SHOX: variants seen among roughly 807,000 people sequenced by gnomAD.
The protein encoded by SHOX is short stature homeobox protein.
SHOX carries 12 observed loss-of-function variants against 29.6 expected under a neutral mutation model. That is an observed-to-expected ratio of 0.41 (90% CI 0.26 to 0.66). The LOEUF (loss-of-function observed/expected upper bound fraction) is 0.66, where lower values mean the gene tolerates loss of function less well. SHOX is among the 30% of genes least tolerant of loss of function. The pLI is 0.35. For synonymous variants in SHOX, 214 were observed against 200.6 expected, an observed-to-expected ratio of 1.07 and a Z score of -0.57; for missense variants, 499 against 437.7, an observed-to-expected ratio of 1.14 and a Z score of -1.25.
At chrX:625,679 T>C (rs866478249) in intron 1 of SHOX, among the ~76,000 whole-genome samples, 1 of 133,964 alleles carries the variant, frequency 7.5e-6, no homozygotes, top group Non-Finnish European at 1.5e-5. Context: ...CTCTCTCTCT[T>C]TTTTTCTCTC....
At chrX:634,054 C>A (rs1289399498) in intron 1 of SHOX, among the ~76,000 whole-genome samples, 1 of 152,232 alleles carries the variant, frequency 6.6e-6, no homozygotes, top group African/African-American at 2.4e-5. Context: ...CCCCCAGGCG[C>A]GGTGGCGCAT....
downstream of SHOX, among the ~76,000 whole-genome samples, chrX:652,968 G>A (rs1453585518): frequency 6.6e-6 from 1 of 152,114 alleles, no homozygotes; most frequent in African/African-American, 2.4e-5. Context: ...CGGGCGCAGT[G>A]TGGCTCTCAC....
At chrX:626,968 C>T (rs1299183990), upstream of SHOX, among the ~76,000 whole-genome samples, 1 of 151,538 alleles carries the variant, frequency 6.6e-6, no homozygotes, top group African/African-American at 2.4e-5. Context: ...GTCTGTATCT[C>T]TGTCTACCTC....
downstream of SHOX, among the ~76,000 whole-genome samples, chrX:655,227 C>A (rs1297657980): frequency 2.6e-5 from 4 of 152,044 alleles, no homozygotes; most frequent in East Asian, 7.9e-4. Context: ...CCTGCCTCAG[C>A]CTCCCGAGTA....
chrX:654,471 T>G (rs1242107239), downstream of SHOX, among the ~76,000 whole-genome samples: 1 of 152,082 alleles, frequency 6.6e-6, no homozygotes, highest in Non-Finnish European at 1.5e-5. Context: ...GAAAGTATTC[T>G]GAGAAGACAG....
chrX:631,180 T>A lies in SHOX; in HGVS notation c.277+6T>A. The stretch of plus-strand genomic sequence containing the variant: ...CACCGCGAGAGTGGCAGAAGGTAAG[T>A]TCCTTTGCGCTCCGGCTCCAGGGGG... On this transcript the variant is annotated splice_donor_region_variant and intron_variant, in intron 1 of 4. Coordinates refer to ENST00000686671, the MANE Select transcript of SHOX (RefSeq NM_000451.4). The A allele has an allele frequency of 6.2e-7, 1 of 1,612,262 alleles. No individual in the cohort carries two copies. The highest frequency in any genetic ancestry group is 8.5e-7 in the Non-Finnish European group (1 of 1,179,588).
chrX:651,652 A>C (rs771153975), downstream of SHOX, among the ~76,000 whole-genome samples: 2 of 151,472 alleles, frequency 1.3e-5, no homozygotes, highest in South Asian at 4.2e-4. Context: ...AAAAAAAAAA[A>C]AAAAAAAAAA....
At position 647,251 on chromosome X, in the gene SHOX, G is replaced by A. The variant is rs887591953; in HGVS notation, c.*2615G>A. On this transcript the variant is annotated 3_prime_UTR_variant, in exon 5 of 5. Coordinates refer to ENST00000686671, the MANE Select transcript of SHOX (RefSeq NM_000451.4). The stretch of plus-strand genomic sequence containing the variant: ...GCCACCAGGCCTGGGTAACTTTCTG[G>A]TATTTTTAGTAGAGACAGGGTTTCA... Among the ~76,000 whole-genome samples, 1 of 146,528 alleles carries A rather than the reference G, an allele frequency of 6.8e-6. No individual in the cohort carries two copies. The highest frequency in any genetic ancestry group is 2.5e-5 in the African/African-American group (1 of 39,466).
upstream of SHOX, among the ~76,000 whole-genome samples, chrX:627,009 C>T (rs2052551177): frequency 6.6e-6 from 1 of 151,758 alleles, no homozygotes; most frequent in African/African-American, 2.4e-5. Context: ...CTCTCTGTCT[C>T]TTTTTCTCTG....
At chrX:631,910 G>C in intron 1 of SHOX, 1 of 456,076 alleles carries the variant, frequency 2.2e-6, no homozygotes. Context: ...ACGCACAGAG[G>C]AGCCGTCTCC....
chrX:648,385 T>A lies in SHOX; in HGVS notation c.*3749T>A, dbSNP rs2052992921. 6.6e-6 allele frequency among the ~76,000 whole-genome samples: 1 copy of A among 152,140 alleles called. No homozygotes were observed. Among genetic ancestry groups the A allele is most frequent in the Non-Finnish European group, 1.5e-5 (1 of 68,032 alleles). On this transcript the variant is annotated 3_prime_UTR_variant, in exon 5 of 5. Transcript: ENST00000686671. ...GATTACAGGCACCTGCCACCAGGCC[T>A]GGGTAATTTTTTTGCATTTTTGGTA...
At position 658,808 on chromosome X, in the gene SHOX, G is replaced by A. The variant is rs28474801; in HGVS notation, c.657G>A (p.Pro219=). ...AGATGGAGTTTTGCTCTTGTCGCCC[G>A]GGCTGGAGTATAATGGCATGATCTC... The change falls in exon 6 of 6, where the codon CCG becomes CCA. Residue 219 remains proline, a synonymous_variant. Transcript: ENST00000334060. 0.65 allele frequency: 248,928 copies of A among 384,448 alleles called. 83,240 individuals carry two copies. Among genetic ancestry groups the A allele is most frequent in the African/African-American group, 0.89 (40,370 of 45,418 alleles). 23.8% of individuals were successfully genotyped at this position (384,448 alleles called of 1,614,324 possible).
At chrX:634,104 C>G (rs1474720313) in intron 1 of SHOX, among the ~76,000 whole-genome samples, 4 of 152,228 alleles carry the variant, frequency 2.6e-5, no homozygotes, top group Admixed American at 1.3e-4. Context: ...TGCTGAGAAA[C>G]AGGCTTCGGG....
Position 649,573 on chromosome X carries a change from G to A in SHOX, c.*4937G>A, listed in dbSNP as rs948213720. ...AAAACAAGGTTCTTTTGAAAGTCAC[G>A]TTCCTGCTTTCCCTGTGGCTTCCCG... On this transcript the variant is annotated 3_prime_UTR_variant, in exon 5 of 5. Coordinates refer to ENST00000686671, the MANE Select transcript of SHOX (RefSeq NM_000451.4). Among the ~76,000 whole-genome samples the A allele has an allele frequency of 1.2e-4, 19 of 152,174 alleles. No homozygotes were observed. Among genetic ancestry groups the A allele is most frequent in the Admixed American group, 5.2e-4 (8 of 15,274 alleles).
At chrX:625,045 C>T (rs1372973354) in intron 1 of SHOX, among the ~76,000 whole-genome samples, 2 of 89,700 alleles carry the variant, frequency 2.2e-5, no homozygotes, top group Non-Finnish European at 4.2e-5. Flanking sequence ...TTCCTTTCCT[C>T]CCTCTGTTCC....
At chrX:638,351 G>T (rs1317224712) in intron 2 of SHOX, among the ~76,000 whole-genome samples, 5 of 152,044 alleles carry the variant, frequency 3.3e-5, no homozygotes, top group Non-Finnish European at 7.4e-5. Flanking sequence ...CCTTCCAGAG[G>T]CTTTTGGGTG....
chrX:643,159 C>G (rs2019138), intron 4 of SHOX, among the ~76,000 whole-genome samples: 9,927 of 94,700 alleles, frequency 0.1, 657 homozygotes, highest in South Asian at 0.19. Context: ...CCTGAAAGAG[C>G]CTTGGGGATC....
In SHOX at chrX:651,492, A is replaced by G; in HGVS notation, c.*6856A>G. The G allele has an allele frequency of 2.3e-6, 1 of 436,714 alleles. No individual in the cohort carries two copies. The highest frequency in any genetic ancestry group is 4.6e-6 in the Non-Finnish European group (1 of 219,266). The allele number at this position is 436,714 out of a possible 1,614,324, so 27.1% of individuals were successfully genotyped here. A position where few individuals can be genotyped will look rare whatever the true frequency, so the allele number is the denominator to read the frequency against. ...CTAACGTTCAATAATCTCAATGTTG[A>G]GTTGCAGCAACAGACTGTATTTTTG... On this transcript the variant is annotated 3_prime_UTR_variant, in exon 5 of 5. Transcript: ENST00000686671.
At chrX:655,608 CTCTCTCTATA>C (rs1316439273), downstream of SHOX, among the ~76,000 whole-genome samples, 20 of 24,510 alleles carry the variant, frequency 8.2e-4, no homozygotes, top group African/African-American at 1.6e-3. Flanking sequence ...CTCTCTCTCT[CTCTCTCTATA>C]TATATATATA....
Sources: gnomAD v4.1 joint callset for allele counts (sites outside exome capture counted in the v4.1 genomes callset) on GRCh38, gnomAD v4.1.1 for gene constraint, MANE v1.5 for transcripts, NCBI Gene and HGNC (gene_info 2026-07-23, HGNC 2026-07-21) for gene names.